The following KIF6 variants were observed in gnomAD, a reference collection of about 807,000 sequenced individuals.
KIF6 encodes kinesin family member 6.
KIF6 carries 106 observed loss-of-function variants against 112.7 expected under a neutral mutation model. The observed-to-expected ratio is 0.94, with a 90% confidence interval of 0.80 to 1.11. The LOEUF (loss-of-function observed/expected upper bound fraction) is 1.11, where lower values mean the gene tolerates loss of function less well. Among genes scored for constraint, KIF6 ranks in the 50% least tolerant of loss-of-function variants. The pLI, the probability that KIF6 is intolerant of heterozygous loss-of-function variation, is 0.00. For missense variants in KIF6, 929 were observed against 964.0 expected (o/e 0.96, Z 0.48); for synonymous variants, 339 against 339.9 (o/e 1.00, Z 0.03).
At chr6:39,659,104 T>C (rs562303461) in intron 3 of KIF6, among the ~76,000 whole-genome samples, 10 of 152,326 alleles carry the variant, frequency 6.6e-5, no homozygotes, top group Middle Eastern at 6.8e-3. Context: ...AAATCCTTTG[T>C]GCTGAAATTT....
chr6:39,698,037 A>C (rs1788659747), intron 3 of KIF6, among the ~76,000 whole-genome samples: 1 of 152,234 alleles, frequency 6.6e-6, no homozygotes, highest in Non-Finnish European at 1.5e-5. Flanking sequence ...AAATCTTTGC[A>C]GCATGACTTC....
intron 3 of KIF6, among the ~76,000 whole-genome samples, chr6:39,642,810 A>G (rs1285152104): frequency 6.6e-6 from 1 of 152,098 alleles, no homozygotes; most frequent in East Asian, 1.9e-4. Context: ...ATGCCCAGAA[A>G]AGACCTGAGA....
At chr6:39,611,679 T>C (rs1193853474) in intron 6 of KIF6, among the ~76,000 whole-genome samples, 1 of 152,224 alleles carries the variant, frequency 6.6e-6, no homozygotes, top group Non-Finnish European at 1.5e-5. Flanking sequence ...TTTTCTCTTT[T>C]TCATAAGCAT....
chr6:39,391,709 TA>T (rs995557665), intron 15 of KIF6, among the ~76,000 whole-genome samples: 1 of 151,992 alleles, frequency 6.6e-6, no homozygotes, highest in Non-Finnish European at 1.5e-5. Context: ...AATCTCATGC[TA>T]AAAAAAAGAT....
intron 7 of KIF6, among the ~76,000 whole-genome samples, chr6:39,595,422 G>A (rs1192337754): frequency 6.6e-6 from 1 of 152,182 alleles, no homozygotes; most frequent in Non-Finnish European, 1.5e-5. Context: ...TCTGTAAGAG[G>A]GGGATAGTAA....
intron 5 of KIF6, among the ~76,000 whole-genome samples, chr6:39,629,535 A>G (rs1784255409): frequency 6.6e-6 from 1 of 151,904 alleles, no homozygotes; most frequent in Non-Finnish European, 1.5e-5. Flanking sequence ...CTTATTGTTG[A>G]GTTTTTAAAA....
rs568435749 is a variant in KIF6, at chr6:39,722,113, A to T, written c.67-1302T>A. ...CTTTCTGGCTAGGTTTTCTCAAGAGACATTTAAAAATTATATCCTGTTGGG... is the reference window on the plus strand; with the variant it reads ...CTTTCTGGCTAGGTTTTCTCAAGAGTCATTTAAAAATTATATCCTGTTGGG... On this transcript the variant is annotated intron_variant, in intron 1 of 22. Coordinates refer to ENST00000287152, the MANE Select transcript of KIF6 (RefSeq NM_145027.6). Among the ~76,000 whole-genome samples, 5 of 152,300 alleles carry T rather than the reference A, an allele frequency of 3.3e-5. No individual in the cohort carries two copies. In the South Asian group the frequency reaches 1.0e-3, roughly 32 times the overall value.
intron 6 of KIF6, among the ~76,000 whole-genome samples, chr6:39,609,973 G>A (rs1306345943): frequency 6.6e-6 from 1 of 152,148 alleles, no homozygotes; most frequent in African/African-American, 2.4e-5. Flanking sequence ...GACCATACTT[G>A]GGCACAGAGT....
chr6:39,415,931 C>G (rs1386918357), intron 15 of KIF6, among the ~76,000 whole-genome samples: 1 of 152,198 alleles, frequency 6.6e-6, no homozygotes, highest in Non-Finnish European at 1.5e-5. Flanking sequence ...GTTTGTTTTT[C>G]TCTTTCTTTG....
chr6:39,509,949 A>G (rs1244950883), intron 13 of KIF6, among the ~76,000 whole-genome samples: 1 of 152,190 alleles, frequency 6.6e-6, no homozygotes, highest in Admixed American at 6.5e-5. Context: ...CAAGGCTGAA[A>G]TGAAGGAGAA....
At chr6:39,619,175 C>T (rs1241651448) in intron 5 of KIF6, among the ~76,000 whole-genome samples, 1 of 152,178 alleles carries the variant, frequency 6.6e-6, no homozygotes, top group Non-Finnish European at 1.5e-5. Context: ...GAAGTCCAAA[C>T]TCAGCACTGC....
chr6:39,550,195 A>G (rs7751942), intron 10 of KIF6, among the ~76,000 whole-genome samples: 30,491 of 152,224 alleles, frequency 0.2, 3,470 homozygotes, highest in South Asian at 0.31. Flanking sequence ...ATTCTCAAAT[A>G]ATCTTTGTAA....
intron 10 of KIF6, among the ~76,000 whole-genome samples, chr6:39,551,302 T>C (rs1212358448): frequency 6.6e-6 from 1 of 151,982 alleles, no homozygotes; most frequent in Admixed American, 6.6e-5. Flanking sequence ...AATTAACTCA[T>C]GGAGATAAAG....
At chr6:39,581,110 T>C (rs1341276049) in intron 9 of KIF6, among the ~76,000 whole-genome samples, 1 of 151,436 alleles carries the variant, frequency 6.6e-6, no homozygotes, top group Non-Finnish European at 1.5e-5. Context: ...AAAAACACCA[T>C]AGGATCTGGT....
intron 3 of KIF6, among the ~76,000 whole-genome samples, chr6:39,649,334 T>C (rs1388740993): frequency 6.6e-6 from 1 of 152,182 alleles, no homozygotes; most frequent in African/African-American, 2.4e-5. Context: ...ATCAATCATT[T>C]TGGAAAGGAA....
At position 39,489,484 on chromosome 6, in the gene KIF6, T is replaced by C. The variant is rs1317886532; in HGVS notation, c.1645+50519A>G. On this transcript the variant is annotated intron_variant, in intron 13 of 22. Coordinates refer to ENST00000287152, the MANE Select transcript of KIF6 (RefSeq NM_145027.6). ...ACTTGTGGTGAGGGAGGGATAAAGA[T>C]GCAAATTTCCAACCAGGATAGAAAA... 2.6e-5 allele frequency among the ~76,000 whole-genome samples: 4 copies of C among 152,104 alleles called. No individual in the cohort carries two copies. In the South Asian group the frequency reaches 8.3e-4, roughly 32 times the overall value.
intron 15 of KIF6, among the ~76,000 whole-genome samples, chr6:39,400,757 T>C (rs1768641250): frequency 6.6e-6 from 1 of 152,228 alleles, no homozygotes; most frequent in Non-Finnish European, 1.5e-5. Flanking sequence ...TCCACGGTGA[T>C]ATTTGTAATC....
chr6:39,713,833 A>G (rs1008321598), intron 3 of KIF6, among the ~76,000 whole-genome samples: 1 of 152,370 alleles, frequency 6.6e-6, no homozygotes, highest in East Asian at 1.9e-4. Flanking sequence ...CATAGGATTC[A>G]TAAAACAGGA....
rs1214816036 is a variant in KIF6, at chr6:39,331,322, A to T, written c.*5210T>A. 2.0e-5 allele frequency: 3 copies of T among 151,574 alleles called. No individual in the cohort carries two copies. The highest frequency in any genetic ancestry group is 7.3e-5 in the African/African-American group (3 of 41,216). 9.4% of individuals were successfully genotyped at this position (151,574 alleles called of 1,614,324 possible). The stretch of plus-strand genomic sequence containing the variant: ...GCTGAGACTACAGGCGCTTGCTACC[A>T]TGCCCAGCTAACCCCAACTCCTTCT... On this transcript the variant is annotated 3_prime_UTR_variant, in exon 23 of 23. Coordinates refer to ENST00000287152, the MANE Select transcript of KIF6 (RefSeq NM_145027.6).
Sources: allele counts gnomAD v4.1 joint callset (sites outside exome capture counted in the v4.1 genomes callset), GRCh38; gene constraint gnomAD v4.1.1; transcripts MANE v1.5; gene names NCBI Gene and HGNC (gene_info 2026-07-23, HGNC 2026-07-21).